Variants in AGAP1 observed in about 807,000 individuals in gnomAD.
AGAP1 encodes the protein arf-GAP with GTPase, ANK repeat and PH domain-containing protein 1.
In AGAP1, 29 loss-of-function variants were observed where a neutral mutation model predicts 105.3. The ratio of observed to expected loss-of-function variants is 0.28; its 90% CI spans 0.21 to 0.38. The LOEUF is 0.38. AGAP1 is among the 10% of genes least tolerant of loss of function. AGAP1 has a pLI of 1.00. For synonymous variants in AGAP1, 509 were observed against 485.9 expected, an observed-to-expected ratio of 1.05 and a Z score of -0.63; for missense variants, 998 against 1,165.1, an observed-to-expected ratio of 0.86 and a Z score of 2.09.
At position 236,095,024 on chromosome 2, in the gene AGAP1, G is replaced by A. The variant is rs181443367; in HGVS notation, c.2115-25168G>A. Among the ~76,000 whole-genome samples, 58 of 150,822 alleles carry A rather than the reference G, an allele frequency of 3.8e-4. No homozygotes were observed. Among genetic ancestry groups the A allele is most frequent in the African/African-American group, 7.8e-4 (32 of 41,036 alleles). On this transcript the variant is annotated intron_variant, in intron 16 of 17. Transcript: ENST00000304032. The surrounding 1 kb of genome is among the most constrained non-coding windows in gnomAD (Gnocchi z 4.1). The stretch of plus-strand genomic sequence containing the variant: ...TGAGATGGGAGGATCACTTGAGCCC[G>A]GGAGGTCCAGGCTGCAGTGAGCCCT...
rs1206637645 is a variant in AGAP1 at position 236,104,891 on chromosome 2, C to T, written c.2115-15301C>T. The stretch of plus-strand genomic sequence containing the variant: ...CTGCAGCCTGGGCTACAGAGCGAGA[C>T]TCTGTCTCAAGGAAAAAAAAAAGGA... On this transcript the variant is annotated intron_variant, in intron 16 of 17. Transcript: ENST00000304032. The surrounding 1 kb of genome is among the most constrained non-coding windows in gnomAD (Gnocchi z 4.7). Among the ~76,000 whole-genome samples the T allele has an allele frequency of 2.0e-5, 3 of 151,788 alleles. No homozygotes were observed. The highest frequency in any genetic ancestry group is 7.3e-5 in the African/African-American group (3 of 41,306).
chr2:235,542,648 T>C (rs567867503), intron 1 of AGAP1, among the ~76,000 whole-genome samples: 2 of 152,350 alleles, frequency 1.3e-5, no homozygotes, highest in African/African-American at 2.4e-5. Context: ...TTTCAAAATA[T>C]AGACTGTTCT....
chr2:235,748,613 G>A (rs903469706), intron 5 of AGAP1, among the ~76,000 whole-genome samples: 5 of 152,052 alleles, frequency 3.3e-5, no homozygotes, highest in African/African-American at 4.8e-5. Context: ...CCAGTAACGA[G>A]GAAACGTCAG....
At chr2:235,899,716 T>G (rs2050973307) in intron 10 of AGAP1, among the ~76,000 whole-genome samples, 1 of 152,144 alleles carries the variant, frequency 6.6e-6, no homozygotes, top group Non-Finnish European at 1.5e-5. Flanking sequence ...GCAAAGGAAT[T>G]GTGTTGGCTC....
intron 11 of AGAP1, among the ~76,000 whole-genome samples, chr2:235,916,153 G>T (rs6431410): frequency 0.78 from 117,702 of 151,828 alleles, 45,719 homozygotes; most frequent in East Asian, 0.98. Flanking sequence ...AAAAATTACT[G>T]AAGGGTCTAC....
At chr2:235,849,849 C>T (rs1444601575) in intron 9 of AGAP1, among the ~76,000 whole-genome samples, 2 of 152,334 alleles carry the variant, frequency 1.3e-5, no homozygotes, top group African/African-American at 4.8e-5. Flanking sequence ...GCCCAGTGCT[C>T]CTGTCCCCAT....
At position 235,725,657 on chromosome 2, in the gene AGAP1, C is replaced by A. The variant is rs752319092; in HGVS notation, c.310+8013C>A. On this transcript the variant is annotated intron_variant, in intron 3 of 17. Transcript: ENST00000304032. This position sits in a 1 kb window ranked among gnomAD's most constrained non-coding sequence, Gnocchi z 5.7. The stretch of plus-strand genomic sequence containing the variant: ...TTTTTTAATGAGAATTATCTGTAAA[C>A]GTTGAGATGATGAGCCTGCTGCTAT... 6.6e-6 allele frequency among the ~76,000 whole-genome samples: 1 copy of A among 152,206 alleles called. No individual in the cohort carries two copies. The highest frequency in any genetic ancestry group is 1.9e-4 in the East Asian group (1 of 5,168).
At chr2:235,636,068 G>A (rs1467142555) in intron 1 of AGAP1, among the ~76,000 whole-genome samples, 4 of 152,000 alleles carry the variant, frequency 2.6e-5, no homozygotes, top group East Asian at 1.9e-4. Context: ...AGCCGAGATC[G>A]TGCCAGTGAA....
At chr2:236,072,811 CACTG>C (rs1478752689) in intron 16 of AGAP1, among the ~76,000 whole-genome samples, 1 of 152,048 alleles carries the variant, frequency 6.6e-6, no homozygotes, top group Non-Finnish European at 1.5e-5. Flanking sequence ...CCTGCCATAC[CACTG>C]TCTGCTGTCC....
intron 1 of AGAP1, among the ~76,000 whole-genome samples, chr2:235,605,995 T>C (rs1410214201): frequency 1.3e-5 from 2 of 152,220 alleles, no homozygotes; most frequent in Admixed American, 6.5e-5. Flanking sequence ...TTTAAGAATT[T>C]TCTACACTTT....
chr2:236,115,123 C>T (rs763597914), intron 16 of AGAP1, among the ~76,000 whole-genome samples: 31 of 152,228 alleles, frequency 2.0e-4, no homozygotes, highest in African/African-American at 5.8e-4. Flanking sequence ...TCGGTACCCG[C>T]GGCCCCGTGC....
At position 235,573,306 on chromosome 2, in the gene AGAP1, A is replaced by G. The variant is rs186711598; in HGVS notation, c.163+78457A>G. Among the ~76,000 whole-genome samples, 203 of 151,814 alleles carry G rather than the reference A, an allele frequency of 1.3e-3. 1 individual carries two copies. Among genetic ancestry groups the G allele is most frequent in the Non-Finnish European group, 1.4e-3 (98 of 67,962 alleles). ...TACTTTGTTGCCTAGGCTGGTCTCA[A>G]ATTCTTGGGCTGAAGTGATCCTTAG... On this transcript the variant is annotated intron_variant, in intron 1 of 17. Transcript: ENST00000304032.
In AGAP1 at chr2:235,517,781, A is replaced by G. The variant is rs570772766; in HGVS notation, c.163+22932A>G. Among the ~76,000 whole-genome samples, 5 of 152,168 alleles carry G rather than the reference A, an allele frequency of 3.3e-5. No individual in the cohort carries two copies. The highest frequency in any genetic ancestry group is 4.4e-5 in the Non-Finnish European group (3 of 68,004). On this transcript the variant is annotated intron_variant, in intron 1 of 17. Transcript: ENST00000304032. This position sits in a 1 kb window ranked among gnomAD's most constrained non-coding sequence, Gnocchi z 4.1. ...GTGAAACCCCGTTTCTACTAAAAATACAAAAATTAGTCAGACATGGTGGCG... is the reference window on the plus strand; with the variant it reads ...GTGAAACCCCGTTTCTACTAAAAATGCAAAAATTAGTCAGACATGGTGGCG...
chr2:236,085,921 A>G (rs900139907), intron 16 of AGAP1, among the ~76,000 whole-genome samples: 2 of 152,254 alleles, frequency 1.3e-5, no homozygotes, highest in African/African-American at 4.8e-5. Flanking sequence ...CCGTGGGTTC[A>G]TCTGGCTGCC....
At chr2:235,780,824 G>A (rs570097714) in intron 6 of AGAP1, among the ~76,000 whole-genome samples, 12 of 152,290 alleles carry the variant, frequency 7.9e-5, no homozygotes, top group African/African-American at 2.9e-4. Flanking sequence ...GATCCTGGCC[G>A]AGGCTGGGGT....
In AGAP1 at chr2:236,051,510, G is replaced by C. The variant is rs565043367; in HGVS notation, c.2114+2229G>C. Reference sequence around the variant, plus strand: ...GGGCCAGGGGACCAGGTGGGAAGGCGGGCTGGAGGGTGGGAGTGGCCTCGG... The same window carrying C: ...GGGCCAGGGGACCAGGTGGGAAGGCCGGCTGGAGGGTGGGAGTGGCCTCGG... On this transcript the variant is annotated intron_variant, in intron 16 of 17. Transcript: ENST00000304032. The surrounding 1 kb of genome is among the most constrained non-coding windows in gnomAD (Gnocchi z 5.9). Among the ~76,000 whole-genome samples, 1 of 152,128 alleles carries C rather than the reference G, an allele frequency of 6.6e-6. No homozygotes were observed. Among genetic ancestry groups the C allele is most frequent in the Admixed American group, 6.5e-5 (1 of 15,280 alleles).
Position 236,082,309 on chromosome 2 carries a change from C to T in AGAP1, c.2114+33028C>T, listed in dbSNP as rs1445293862. 2.0e-5 allele frequency among the ~76,000 whole-genome samples: 3 copies of T among 152,216 alleles called. No homozygotes were observed. The highest frequency in any genetic ancestry group is 4.4e-5 in the Non-Finnish European group (3 of 68,036). ...TAATTATGGAGCAATCAAACCTTGG[C>T]TTTTCCACTGTAATTTCCTCTGCCA... is the stretch of plus-strand genomic sequence containing the variant. On this transcript the variant is annotated intron_variant, in intron 16 of 17. Coordinates refer to ENST00000304032, the MANE Select transcript of AGAP1 (RefSeq NM_001037131.3). The surrounding 1 kb of genome is among the most constrained non-coding windows in gnomAD (Gnocchi z 4.2).
Position 235,905,286 on chromosome 2 carries a change from A to C in AGAP1, c.1156-3452A>C. 2.0e-5 allele frequency among the ~76,000 whole-genome samples: 3 copies of C among 152,362 alleles called. 1 individual carries two copies. In the South Asian group the frequency reaches 6.2e-4, roughly 32 times the overall value. On this transcript the variant is annotated intron_variant, in intron 10 of 17. Coordinates refer to ENST00000304032, the MANE Select transcript of AGAP1 (RefSeq NM_001037131.3). This position sits in a 1 kb window ranked among gnomAD's most constrained non-coding sequence, Gnocchi z 4.2. ...GTATTTTAATTTGTTAAGAATTGGCATTAAGGAAGAAAGTTATAGCAAGTT... is the reference window on the plus strand; with the variant it reads ...GTATTTTAATTTGTTAAGAATTGGCCTTAAGGAAGAAAGTTATAGCAAGTT...
chr2:235,773,496 G>A (rs1955619264), intron 6 of AGAP1, among the ~76,000 whole-genome samples: 1 of 152,198 alleles, frequency 6.6e-6, no homozygotes, highest in African/African-American at 2.4e-5. Flanking sequence ...TTGCAGAAAA[G>A]GCAGGGAGGG....
Sources: gnomAD v4.1 joint callset for allele counts (sites outside exome capture counted in the v4.1 genomes callset) on GRCh38, gnomAD v4.1.1 for gene constraint, Gnocchi (gnomAD v3.1) non-coding constraint, MANE v1.5 for transcripts, NCBI Gene and HGNC (gene_info 2026-07-23, HGNC 2026-07-21) for gene names.